DCBLD1: variants seen among roughly 807,000 people sequenced by gnomAD.
DCBLD1 encodes discoidin, CUB and LCCL domain-containing protein 1.
DCBLD1 carries 57 observed loss-of-function variants against 71.5 expected under a neutral mutation model. That is an observed-to-expected ratio of 0.80 (90% CI 0.64 to 0.99). The LOEUF is 0.99. Ranked by LOEUF, DCBLD1 falls within the 50% of genes least tolerant of loss-of-function variation. The pLI is 0.00. For missense variants in DCBLD1, 891 were observed against 923.5 expected (o/e 0.96, Z 0.46); for synonymous variants, 380 against 363.8 (o/e 1.04, Z -0.51).
chr6:117,541,082 A>G (rs188511953), intron 11 of DCBLD1, 57 bp downstream of exon 11: 4 of 1,551,778 alleles, frequency 2.6e-6, no homozygotes, highest in Non-Finnish European at 3.5e-6. Context: ...CCCACCCAAT[A>G]TCAGTAACTT....
intron 4 of DCBLD1, among the ~76,000 whole-genome samples, chr6:117,522,556 C>T (rs760536635): frequency 4.6e-5 from 7 of 152,106 alleles, no homozygotes; most frequent in Admixed American, 2.6e-4. Context: ...ATGCTCCTGC[C>T]TCAGCCTCCC....
chr6:117,569,470 A>C (rs1779762690), intron 14 of DCBLD1: 1 of 1,449,574 alleles, frequency 6.9e-7, no homozygotes, highest in Non-Finnish European at 9.3e-7. Context: ...AACTATGTGT[A>C]AACACTTTAC....
chr6:117,527,351 C>A (rs1484118151), intron 5 of DCBLD1, among the ~76,000 whole-genome samples: 1 of 152,138 alleles, frequency 6.6e-6, no homozygotes, highest in Non-Finnish European at 1.5e-5. Flanking sequence ...TCTGCCTCCA[C>A]AGTGCCTTCA....
chr6:117,522,747 A>G (rs573826576), intron 4 of DCBLD1, among the ~76,000 whole-genome samples: 1 of 152,220 alleles, frequency 6.6e-6, no homozygotes, highest in South Asian at 2.1e-4. Context: ...GTGCTTTCCT[A>G]GTGCTCGATA....
intron 14 of DCBLD1, chr6:117,566,796 A>G: frequency 8.5e-7 from 1 of 1,169,788 alleles, no homozygotes; most frequent in South Asian, 2.0e-5. Context: ...AGGCCTTCAC[A>G]TTTTAAACAT....
At chr6:117,546,693 C>T (rs1291881512) in intron 14 of DCBLD1, among the ~76,000 whole-genome samples, 1 of 152,134 alleles carries the variant, frequency 6.6e-6, no homozygotes, top group Non-Finnish European at 1.5e-5. Flanking sequence ...GTCTCACCCC[C>T]ACTCACCACA....
intron 2 of DCBLD1, among the ~76,000 whole-genome samples, chr6:117,506,236 G>A (rs1456749618): frequency 6.6e-6 from 1 of 151,874 alleles, no homozygotes; most frequent in Admixed American, 6.6e-5. Context: ...GTGTGATTAG[G>A]TGAACATGCC....
At chr6:117,543,300 C>T (rs1394276898) in intron 12 of DCBLD1, 89 bp downstream of exon 12, 25 of 1,039,216 alleles carry the variant, frequency 2.4e-5, no homozygotes, top group Admixed American at 1.8e-5. Context: ...TGCATATGTA[C>T]AAAAGCAGCA....
Position 117,511,004 on chromosome 6 carries a change from A to C in DCBLD1, c.325+7025A>C, listed in dbSNP as rs57541400. Among the ~76,000 whole-genome samples, 27 of 152,282 alleles carry C rather than the reference A, an allele frequency of 1.8e-4. No individual in the cohort carries two copies. In the East Asian group the frequency reaches 5.2e-3, roughly 30 times the overall value. ...ACCTAAGGAAACTGAAGCTCAAAGA[A>C]GGCCAACTAACATGCTTGTAAGATC... is the stretch of plus-strand genomic sequence containing the variant. On this transcript the variant is annotated intron_variant, in intron 2 of 14. Transcript: ENST00000338728.
Position 117,540,803 on chromosome 6 carries a change from C to T in DCBLD1, c.1237C>T (p.Gln413Ter). 6.2e-7 allele frequency: 1 copy of T among 1,614,142 alleles called. No individual in the cohort carries two copies. Among genetic ancestry groups the T allele is most frequent in the South Asian group, 1.1e-5 (1 of 91,080 alleles). Residue 413 changes from glutamine to a stop codon, truncating the protein, a stop_gained, in exon 10 of 15, where the codon CAG becomes TAG. Transcript: ENST00000338728. LOFTEE classifies it high-confidence loss of function. ...IALKVELIGC[Q>*]ITQGNDSLVW... ...CTTGAAGGTGGAGCTCATTGGTTGCCAGATTACACAAGGTAGGGCTCAGGG... is the reference window on the plus strand; with the variant it reads ...CTTGAAGGTGGAGCTCATTGGTTGCTAGATTACACAAGGTAGGGCTCAGGG...
At chr6:117,544,454 C>A in intron 12 of DCBLD1, 74 bp from the exon 13 acceptor site, 1 of 1,503,594 alleles carries the variant, frequency 6.7e-7, no homozygotes, top group South Asian at 1.2e-5. Context: ...CTATTATGAT[C>A]CTTATGTTAT....
chr6:117,560,763 A>T (rs1779569480), intron 14 of DCBLD1: 1 of 208,400 alleles, frequency 4.8e-6, no homozygotes, highest in South Asian at 1.9e-4. Flanking sequence ...GCACACATAC[A>T]ACCCTCACAT....
downstream of DCBLD1, among the ~76,000 whole-genome samples, chr6:117,551,611 C>T (rs1779429160): frequency 1.3e-5 from 2 of 152,132 alleles, no homozygotes; most frequent in Admixed American, 1.3e-4. Flanking sequence ...GATCTCCTGA[C>T]CTCGTGATCC....
chr6:117,548,397 C>T lies in DCBLD1; in HGVS notation c.2106C>T (p.Cys702=). The change falls in exon 15 of 15, where the codon TGC becomes TGT. Residue 702 remains cysteine, a synonymous_variant. Transcript: ENST00000338728. Reference sequence around the variant, plus strand: ...ACAGCTATTCTGCCCCCAGAGACTGCCTCACACCCCTCAACCAGACGGCCA... The same window carrying T: ...ACAGCTATTCTGCCCCCAGAGACTGTCTCACACCCCTCAACCAGACGGCCA... ...TSDSYSAPRD[C]LTPLNQTAMT... 1.3e-6 allele frequency: 2 copies of T among 1,550,704 alleles called. No individual in the cohort carries two copies. The highest frequency in any genetic ancestry group is 1.7e-6 in the Non-Finnish European group (2 of 1,147,006).
At chr6:117,541,117 A>G (rs1427163842) in intron 11 of DCBLD1, 92 bp downstream of exon 11, 2 of 1,168,220 alleles carry the variant, frequency 1.7e-6, no homozygotes, top group African/African-American at 1.5e-5. Flanking sequence ...TTTCTCTGTC[A>G]TATAAACATT....
intron 2 of DCBLD1, among the ~76,000 whole-genome samples, chr6:117,509,055 G>A (rs750221850): frequency 2.6e-5 from 4 of 152,254 alleles, no homozygotes; most frequent in East Asian, 3.9e-4. Flanking sequence ...GTGAGCCACC[G>A]CGCCTGGCCC....
Position 117,543,107 on chromosome 6 carries a change from C to T in DCBLD1, c.1358-17C>T, listed in dbSNP as rs1779154211. 1 of 1,607,208 alleles carries T rather than the reference C, an allele frequency of 6.2e-7. No homozygotes were observed. Among genetic ancestry groups the T allele is most frequent in the Non-Finnish European group, 8.5e-7 (1 of 1,173,744 alleles). On this transcript the variant is annotated splice_polypyrimidine_tract_variant and intron_variant, in intron 11 of 14. Coordinates refer to ENST00000338728, the MANE Select transcript of DCBLD1 (RefSeq NM_001366458.2). ...GGTCATTTATGTTGTAACGTGATGGCTTTCCGTCTTCTTTAGGAATAAACA... is the reference window on the plus strand; with the variant it reads ...GGTCATTTATGTTGTAACGTGATGGTTTTCCGTCTTCTTTAGGAATAAACA...
intron 7 of DCBLD1, among the ~76,000 whole-genome samples, chr6:117,537,478 G>C (rs1778926188): frequency 6.6e-6 from 1 of 150,654 alleles, no homozygotes; most frequent in Non-Finnish European, 1.5e-5. Context: ...AGCTTGCAGT[G>C]AGCTGAGATT....
At chr6:117,508,893 G>C (rs192231245) in intron 2 of DCBLD1, among the ~76,000 whole-genome samples, 3 of 152,118 alleles carry the variant, frequency 2.0e-5, no homozygotes, top group African/African-American at 7.2e-5. Flanking sequence ...ACTTCTAGAC[G>C]TTACCACCTG....
Sources: gnomAD v4.1 joint callset for allele counts (sites outside exome capture counted in the v4.1 genomes callset) on GRCh38, gnomAD v4.1.1 for gene constraint, MANE v1.5 for transcripts, NCBI Gene and HGNC (gene_info 2026-07-23, HGNC 2026-07-21) for gene names.